CFAP74: variants seen among roughly 807,000 people sequenced by gnomAD.
The protein encoded by CFAP74 is cilia and flagella associated protein 74, also known as cilia- and flagella-associated protein 74.
CFAP74 carries 124 observed loss-of-function variants against 188.9 expected under a neutral mutation model. The observed-to-expected ratio is 0.66, with a 90% CI of 0.57 to 0.76. CFAP74 has a LOEUF of 0.76. Among genes scored for constraint, CFAP74 ranks in the 30% least tolerant of loss-of-function variants. The probability of loss-of-function intolerance (pLI) is 0.00; values close to 1 mark genes in which losing one functional copy is unlikely to be tolerated. For missense variants in CFAP74, 2,198 were observed against 2,165.2 expected (o/e 1.02, Z -0.30); for synonymous variants, 956 against 916.7 (o/e 1.04, Z -0.77).
chr1:1,994,889 G>A (rs939139160), intron 1 of CFAP74, among the ~76,000 whole-genome samples: 2 of 152,202 alleles, frequency 1.3e-5, no homozygotes, highest in African/African-American at 4.8e-5. Flanking sequence ...GTCATTGGGA[G>A]AAACAGGAGC....
chr1:1,983,494 C>T (rs1657033963), intron 6 of CFAP74, among the ~76,000 whole-genome samples: 1 of 152,222 alleles, frequency 6.6e-6, no homozygotes, highest in Non-Finnish European at 1.5e-5. Context: ...GCCTGCAATC[C>T]TCAGAACCGC....
At position 1,939,889 on chromosome 1, in the gene CFAP74, G is replaced by C; in HGVS notation, c.2704-122C>G. On this transcript the variant is annotated intron_variant, in intron 23 of 38. Coordinates refer to ENST00000682832, the MANE Select transcript of CFAP74 (RefSeq NM_001304360.2). ...CCATGGCCCACTGTTTCCAGGACAC[G>C]ACGAGGCCGTCTCTTCATAAAACCC... 4 of 954,468 alleles carry C rather than the reference G, an allele frequency of 4.2e-6. No individual in the cohort carries two copies. The South Asian group carries it at 4.8e-5, about 11-fold the overall frequency. 59.1% of individuals were successfully genotyped at this position (954,468 alleles called of 1,614,324 possible). A position where few individuals can be genotyped will look rare whatever the true frequency, so the allele number is the denominator to read the frequency against.
chr1:1,985,165 T>C, intron 6 of CFAP74: 1 of 491,020 alleles, frequency 2.0e-6, no homozygotes, highest in Non-Finnish European at 3.7e-6. Flanking sequence ...GAACCTGATT[T>C]TGGAGTTCCT....
rs942997249 is a variant in CFAP74 at position 1,993,766 on chromosome 1, A to C, written c.-19-2791T>G. ...GGGAGGCCGAGGCAGGTGGATCACG[A>C]GGTCAGGAGATCGAGACCATCCTGG... On this transcript the variant is annotated intron_variant, in intron 1 of 38. Transcript: ENST00000682832. Among the ~76,000 whole-genome samples the C allele has an allele frequency of 8.2e-3, 14 of 1,702 alleles. No individual in the cohort carries two copies. The Admixed American group carries it at 0.1, about 12-fold the overall frequency. 1.1% of individuals were successfully genotyped at this position (1,702 alleles called of 152,430 possible). A position where few individuals can be genotyped will look rare whatever the true frequency, so the allele number is the denominator to read the frequency against.
At chr1:2,000,998 A>T (rs887988211) in intron 1 of CFAP74, among the ~76,000 whole-genome samples, 23 of 152,284 alleles carry the variant, frequency 1.5e-4, no homozygotes, top group African/African-American at 5.5e-4. Context: ...CAGGTGGAGC[A>T]GGATCCACAG....
intron 37 of CFAP74, 30 bp from the exon 38 acceptor site, chr1:1,922,753 C>G: frequency 6.3e-7 from 1 of 1,591,694 alleles, no homozygotes; most frequent in Non-Finnish European, 8.5e-7. Flanking sequence ...TGTAGGCTGG[C>G]GACCAGGCAC....
rs76731603 is a variant in CFAP74 at position 1,975,159 on chromosome 1, G to T, written c.501-961C>A. Among the ~76,000 whole-genome samples the T allele has an allele frequency of 3.7e-4, 56 of 152,292 alleles. No homozygotes were observed. The Middle Eastern group carries it at 0.01, about 28-fold the overall frequency. ...CATGTTCATTTCCACTTCGTCTTTC[G>T]TTAAAAGCTTTTCCTGTGGAGCCGA... On this transcript the variant is annotated intron_variant, in intron 6 of 38. Transcript: ENST00000682832. The surrounding 1 kb of genome is among the most constrained non-coding windows in gnomAD (Gnocchi z 4.5).
intron 18 of CFAP74, chr1:1,955,386 A>G (rs774426591): frequency 1.4e-5 from 19 of 1,380,884 alleles, no homozygotes; most frequent in Non-Finnish European, 1.7e-5. Context: ...CGGCCCCTCC[A>G]GGGGGCACCG....
At chr1:1,996,605 T>C (rs1657925478) in intron 1 of CFAP74, among the ~76,000 whole-genome samples, 1 of 152,102 alleles carries the variant, frequency 6.6e-6, no homozygotes, top group Admixed American at 6.6e-5. Flanking sequence ...CTAAGTGGAC[T>C]GGCAGTAACA....
intron 4 of CFAP74, 137 bp downstream of exon 4, chr1:1,988,375 C>T: frequency 9.5e-7 from 1 of 1,051,380 alleles, no homozygotes; most frequent in Non-Finnish European, 1.4e-6. Context: ...AGAACTGCTC[C>T]TCCATGGAGA....
At chr1:1,991,074 G>T in intron 1 of CFAP74, 99 bp from the exon 2 acceptor site, 1 of 750,062 alleles carries the variant, frequency 1.3e-6, no homozygotes, top group Non-Finnish European at 2.2e-6. Flanking sequence ...GAAAACAAAC[G>T]ACAGATTAGG....
At chr1:1,971,437 G>GCA (rs571259466) in intron 9 of CFAP74, among the ~76,000 whole-genome samples, 1 of 152,212 alleles carries the variant, frequency 6.6e-6, no homozygotes, top group Admixed American at 6.5e-5. Context: ...ATGCAAACGT[G>GCA]CACACACACA....
intron 8 of CFAP74, among the ~76,000 whole-genome samples, chr1:1,972,370 A>C (rs993116300): frequency 2.6e-5 from 4 of 152,230 alleles, no homozygotes; most frequent in African/African-American, 7.2e-5. Flanking sequence ...GATGGGCAAA[A>C]GGTGCTGGCG....
At chr1:1,963,578 G>A (rs112280598) in intron 14 of CFAP74, among the ~76,000 whole-genome samples, 171 bp downstream of exon 14, 9 of 151,572 alleles carry the variant, frequency 5.9e-5, no homozygotes, top group African/African-American at 9.7e-5. Context: ...GGTCTCGGAC[G>A]ACTTTGACAC....
intron 22 of CFAP74, among the ~76,000 whole-genome samples, chr1:1,941,006 G>A (rs981732068): frequency 4.7e-4 from 72 of 152,206 alleles, no homozygotes; most frequent in African/African-American, 1.2e-3. Flanking sequence ...CCAGCTACTC[G>A]GGAGGCTGAG....
chr1:1,997,900 C>T (rs190401132), intron 1 of CFAP74, among the ~76,000 whole-genome samples: 20 of 152,278 alleles, frequency 1.3e-4, no homozygotes, highest in Non-Finnish European at 2.1e-4. Flanking sequence ...GTTCAAATCT[C>T]GATTCAAGCA....
chr1:1,934,660 TAC>T (rs1652713241), intron 25 of CFAP74, among the ~76,000 whole-genome samples: 5 of 142,140 alleles, frequency 3.5e-5, no homozygotes, highest in Admixed American at 7.0e-5. Flanking sequence ...AGGCTGTAGG[TAC>T]ACACGTGTGT....
chr1:2,003,361 G>A (rs1004128712), intron 1 of CFAP74, among the ~76,000 whole-genome samples: 4 of 152,190 alleles, frequency 2.6e-5, no homozygotes, highest in African/African-American at 7.2e-5. Flanking sequence ...TTGGGGCTAT[G>A]GACCATGCTC....
Position 1,955,110 on chromosome 1 carries a change from A to G in CFAP74, c.2176+581T>C, listed in dbSNP as rs1196431025. On this transcript the variant is annotated intron_variant, in intron 18 of 38. Coordinates refer to ENST00000682832, the MANE Select transcript of CFAP74 (RefSeq NM_001304360.2). ...CACACAGGCTGTGGAGAACCGGCCC[A>G]GCTCCGCGCTGAGCTGCAGGGCGTG... The G allele has an allele frequency of 4.6e-5, 51 of 1,113,924 alleles. No individual in the cohort carries two copies. The Admixed American group carries it at 2.0e-3, about 43-fold the overall frequency. 69.0% of individuals were successfully genotyped at this position (1,113,924 alleles called of 1,614,324 possible). A position where few individuals can be genotyped will look rare whatever the true frequency, so the allele number is the denominator to read the frequency against.
Sources: gnomAD v4.1 joint callset for allele counts (sites outside exome capture counted in the v4.1 genomes callset) on GRCh38, gnomAD v4.1.1 for gene constraint, Gnocchi (gnomAD v3.1) non-coding constraint, MANE v1.5 for transcripts, NCBI Gene and HGNC (gene_info 2026-07-23, HGNC 2026-07-21) for gene names.